Variants in ATRNL1 observed in about 807,000 individuals in gnomAD.
ATRNL1 encodes the protein attractin-like protein 1.
Under a neutral mutation model 182.7 loss-of-function variants are expected in ATRNL1, and 95 were observed. The observed-to-expected ratio is 0.52, with a 90% CI of 0.44 to 0.62. The LOEUF (loss-of-function observed/expected upper bound fraction) is 0.62. ATRNL1 is among the 20% of genes least tolerant of loss of function. The pLI, the probability that ATRNL1 is intolerant of heterozygous loss-of-function variation, is 0.00. For synonymous variants in ATRNL1, 576 were observed against 568.3 expected (o/e 1.01, Z -0.19); for missense variants, 1,471 against 1,679.5 (o/e 0.88, Z 2.17).
At chr10:115,805,725 C>G (rs1593240557) in intron 27 of ATRNL1, among the ~76,000 whole-genome samples, 1 of 152,026 alleles carries the variant, frequency 6.6e-6, no homozygotes, top group East Asian at 1.9e-4. Context: ...AGGTAGGCAG[C>G]CTGTGTGACT....
chr10:115,492,528 A>G (rs1408029600), intron 24 of ATRNL1, among the ~76,000 whole-genome samples: 1 of 146,448 alleles, frequency 6.8e-6, no homozygotes, highest in Non-Finnish European at 1.5e-5. Context: ...CTAGAGCTTT[A>G]TATTTCATTT....
At chr10:115,612,088 T>C (rs1387673948) in intron 26 of ATRNL1, among the ~76,000 whole-genome samples, 1 of 152,014 alleles carries the variant, frequency 6.6e-6, no homozygotes, top group African/African-American at 2.4e-5. Flanking sequence ...CCATCTCTAC[T>C]AAAAATACAA....
intron 26 of ATRNL1, among the ~76,000 whole-genome samples, chr10:115,552,015 A>G (rs1230720515): frequency 6.6e-6 from 1 of 151,462 alleles, no homozygotes; most frequent in Non-Finnish European, 1.5e-5. Flanking sequence ...CCTAATTTAT[A>G]AATTAAAATT....
chr10:115,706,349 T>G (rs79948448), intron 26 of ATRNL1, among the ~76,000 whole-genome samples: 2,380 of 151,932 alleles, frequency 0.016, 62 homozygotes, highest in East Asian at 0.14. Context: ...ATGATTACAG[T>G]TAGGGCCCCT....
At chr10:115,243,005 A>G (rs1850485800) in intron 10 of ATRNL1, among the ~76,000 whole-genome samples, 1 of 151,822 alleles carries the variant, frequency 6.6e-6, no homozygotes, top group African/African-American at 2.4e-5. Context: ...TCAATATATT[A>G]TTGTTTTGGC....
intron 26 of ATRNL1, among the ~76,000 whole-genome samples, chr10:115,599,252 A>G (rs1309531102): frequency 6.6e-6 from 1 of 152,194 alleles, no homozygotes; most frequent in African/African-American, 2.4e-5. Context: ...TTTTCCTTCA[A>G]GTGACAGAGT....
At chr10:115,163,375 T>G (rs1057422138) in intron 6 of ATRNL1, among the ~76,000 whole-genome samples, 1 of 151,884 alleles carries the variant, frequency 6.6e-6, no homozygotes, top group African/African-American at 2.4e-5. Flanking sequence ...TTTTATTTGC[T>G]TTTTTCTTTT....
chr10:115,521,541 T>C (rs1554985206), intron 25 of ATRNL1, among the ~76,000 whole-genome samples: 2 of 152,208 alleles, frequency 1.3e-5, no homozygotes, highest in African/African-American at 4.8e-5. Flanking sequence ...TGAATATGTA[T>C]GTAAATTATT....
chr10:115,447,067 TAAC>T (rs1249571051), intron 21 of ATRNL1, among the ~76,000 whole-genome samples: 61 of 152,064 alleles, frequency 4.0e-4, no homozygotes, highest in African/African-American at 1.4e-3. Flanking sequence ...TTTTTTCTAT[TAAC>T]AAAGTTTTCC....
intron 24 of ATRNL1, among the ~76,000 whole-genome samples, chr10:115,494,415 T>G (rs1192610726): frequency 6.6e-6 from 1 of 152,170 alleles, no homozygotes; most frequent in African/African-American, 2.4e-5. Flanking sequence ...TTTGTCCCAG[T>G]TCTCCAGGGG....
chr10:115,529,850 T>C (rs61881000), intron 25 of ATRNL1, among the ~76,000 whole-genome samples: 26,067 of 152,012 alleles, frequency 0.17, 2,839 homozygotes, highest in Non-Finnish European at 0.25. Context: ...CATATCATCA[T>C]CCCCAAAAGA....
At chr10:115,286,743 G>T (rs1052838001) in intron 15 of ATRNL1, among the ~76,000 whole-genome samples, 1 of 151,830 alleles carries the variant, frequency 6.6e-6, no homozygotes, top group African/African-American at 2.4e-5. Flanking sequence ...AATTATAGTC[G>T]ATCCTCTGTA....
chr10:115,807,703 A>C (rs937279143), intron 27 of ATRNL1, among the ~76,000 whole-genome samples: 6 of 152,212 alleles, frequency 3.9e-5, no homozygotes, highest in Non-Finnish European at 7.4e-5. Context: ...CACTGAAATA[A>C]AGATATAATA....
chr10:115,099,897 A>G (rs1843703912), intron 1 of ATRNL1, among the ~76,000 whole-genome samples: 1 of 152,240 alleles, frequency 6.6e-6, no homozygotes, highest in Non-Finnish European at 1.5e-5. Flanking sequence ...TGCAAAGAGA[A>G]TGAAATCTCT....
chr10:115,861,033 A>C (rs548047948), intron 28 of ATRNL1, among the ~76,000 whole-genome samples: 1 of 152,218 alleles, frequency 6.6e-6, no homozygotes, highest in African/African-American at 2.4e-5. Context: ...TTATTGATTC[A>C]AGAGACATGA....
intron 5 of ATRNL1, among the ~76,000 whole-genome samples, chr10:115,150,051 T>C (rs1241658382): frequency 6.6e-6 from 1 of 152,034 alleles, no homozygotes; most frequent in African/African-American, 2.4e-5. Context: ...TGTCTAAATA[T>C]TTTTTCTTGA....
chr10:115,929,964 A>C (rs1033067512), intron 28 of ATRNL1, among the ~76,000 whole-genome samples: 18 of 152,134 alleles, frequency 1.2e-4, no homozygotes, highest in Non-Finnish European at 1.5e-5. Context: ...TTGAAATTTG[A>C]TGGTGCAGTT....
intron 18 of ATRNL1, among the ~76,000 whole-genome samples, chr10:115,328,736 C>T (rs546750995): frequency 3.3e-5 from 5 of 152,056 alleles, no homozygotes; most frequent in East Asian, 1.9e-4. Context: ...TAAACTCATC[C>T]GTGTTGTCCC....
At chr10:115,293,272 A>G (rs1554921456) in intron 15 of ATRNL1, among the ~76,000 whole-genome samples, 1 of 152,038 alleles carries the variant, frequency 6.6e-6, no homozygotes, top group African/African-American at 2.4e-5. Context: ...TCTCTTAGGC[A>G]GCATATTGTT....
Sources: allele counts gnomAD v4.1 joint callset (sites outside exome capture counted in the v4.1 genomes callset), GRCh38; gene constraint gnomAD v4.1.1; transcripts MANE v1.5; gene names NCBI Gene and HGNC (gene_info 2026-07-23, HGNC 2026-07-21).